The following ERGIC1 variants were observed in gnomAD, a reference collection of about 807,000 sequenced individuals.
ERGIC1 encodes the protein endoplasmic reticulum-golgi intermediate compartment 1, also known as endoplasmic reticulum-Golgi intermediate compartment protein 1.
ERGIC1 carries 19 observed loss-of-function variants against 38.3 expected under a neutral mutation model. That is an observed-to-expected ratio of 0.50 (90% CI 0.35 to 0.73). The LOEUF (loss-of-function observed/expected upper bound fraction) is 0.73. Ranked by LOEUF, ERGIC1 falls within the 30% of genes least tolerant of loss-of-function variation. The pLI, the probability that ERGIC1 is intolerant of heterozygous loss-of-function variation, is 0.01. For synonymous variants in ERGIC1, 124 were observed against 157.6 expected, an observed-to-expected ratio of 0.79 and a Z score of 1.60; for missense variants, 294 against 389.2, an observed-to-expected ratio of 0.76 and a Z score of 2.06.
intron 9 of ERGIC1, among the ~76,000 whole-genome samples, chr5:172,945,931 A>G (rs1764111882): frequency 6.6e-6 from 1 of 152,198 alleles, no homozygotes; most frequent in Non-Finnish European, 1.5e-5. Context: ...TGATCCTCCT[A>G]CCTTGGCCTC....
rs1488206298 is a variant in ERGIC1, at chr5:172,834,334, A to G, written c.-80A>G. The G allele has an allele frequency of 8.5e-7, 1 of 1,181,518 alleles. No individual in the cohort carries two copies. Among genetic ancestry groups the G allele is most frequent in the Non-Finnish European group, 1.0e-6 (1 of 954,070 alleles). The allele number at this position is 1,181,518 out of a possible 1,614,324, so 73.2% of individuals were successfully genotyped here. Reference sequence around the variant, plus strand: ...CCGGCGGGGGCGGGGCGGCCGGAGGAGGCGTTGGCAGCGGGCTCGGACCCA... The same window carrying G: ...CCGGCGGGGGCGGGGCGGCCGGAGGGGGCGTTGGCAGCGGGCTCGGACCCA... On this transcript the variant is annotated 5_prime_UTR_variant, in exon 1 of 10. Coordinates refer to ENST00000393784, the MANE Select transcript of ERGIC1 (RefSeq NM_001031711.3). This position sits in a 1 kb window ranked among gnomAD's most constrained non-coding sequence, Gnocchi z 4.1.
chr5:172,844,875 CTT>C (rs1241983185), intron 1 of ERGIC1, among the ~76,000 whole-genome samples: 1 of 152,216 alleles, frequency 6.6e-6, no homozygotes, highest in Non-Finnish European at 1.5e-5. Context: ...CCCGGGGTGT[CTT>C]TCAGGTGACT....
chr5:172,874,011 G>A (rs1762082287), intron 1 of ERGIC1, among the ~76,000 whole-genome samples: 1 of 152,210 alleles, frequency 6.6e-6, no homozygotes, highest in Non-Finnish European at 1.5e-5. Context: ...TTTCAGCAAA[G>A]CAGATTCCTG....
intron 1 of ERGIC1, among the ~76,000 whole-genome samples, chr5:172,866,263 G>A (rs1418486077): frequency 6.6e-6 from 1 of 152,204 alleles, no homozygotes; most frequent in African/African-American, 2.4e-5. Flanking sequence ...GGAGAGAAGC[G>A]GAGGGAGGTG....
Position 172,840,483 on chromosome 5 carries a change from CT to C in ERGIC1, c.20+6051del, listed in dbSNP as rs199642665. 7.2e-5 allele frequency among the ~76,000 whole-genome samples: 11 copies of C among 152,188 alleles called. No individual in the cohort carries two copies. In the East Asian group the frequency reaches 2.1e-3, roughly 29 times the overall value. ...CTCAACCCTGGCTGTATATTAAAGT[CT>C]CTCATGTGATTCTAATGCACAGCCA... On this transcript the variant is annotated intron_variant, in intron 1 of 9. Transcript: ENST00000393784.
chr5:172,905,517 G>C (rs961944168), intron 3 of ERGIC1: 1 of 450,748 alleles, frequency 2.2e-6, no homozygotes, highest in Non-Finnish European at 4.5e-6. Flanking sequence ...TCACGGAAGA[G>C]AACTGTGGAA....
rs1364838147 is a variant in ERGIC1 at position 172,837,729 on chromosome 5, G to A, written c.20+3296G>A. Among the ~76,000 whole-genome samples, 1 of 152,228 alleles carries A rather than the reference G, an allele frequency of 6.6e-6. No homozygotes were observed. The highest frequency in any genetic ancestry group is 2.4e-5 in the African/African-American group (1 of 41,456). On this transcript the variant is annotated intron_variant, in intron 1 of 9. Coordinates refer to ENST00000393784, the MANE Select transcript of ERGIC1 (RefSeq NM_001031711.3). The surrounding 1 kb of genome is among the most constrained non-coding windows in gnomAD (Gnocchi z 4.3). ...GGAAGGAGGCAGAACGCAGGGGAGG[G>A]AGGCTGAGCTTTCAATGATTTATTG...
intron 8 of ERGIC1, 181 bp from the exon 9 acceptor site, chr5:172,935,007 C>T (rs542363953): frequency 3.8e-5 from 32 of 833,764 alleles, no homozygotes; most frequent in Non-Finnish European, 5.6e-5. Context: ...CAGCTGTGCA[C>T]GGCAGAGTTC....
chr5:172,939,238 T>C lies in ERGIC1; in HGVS notation c.765+3928T>C, dbSNP rs1763954885. On this transcript the variant is annotated intron_variant, in intron 9 of 9. Transcript: ENST00000393784. ...AGGAGCCCCCTGCTGGAGGGGCAGA[T>C]GAGTGAGCACAGGGAGCTGTGACCG... Among the ~76,000 whole-genome samples the C allele has an allele frequency of 1.3e-5, 2 of 152,122 alleles. 1 individual carries two copies. Among genetic ancestry groups the C allele is most frequent in the South Asian group, 4.1e-4 (2 of 4,830 alleles).
chr5:172,838,142 G>A (rs1761078365), intron 1 of ERGIC1, among the ~76,000 whole-genome samples: 1 of 152,202 alleles, frequency 6.6e-6, no homozygotes, highest in Non-Finnish European at 1.5e-5. Context: ...TGTAAACTTC[G>A]CTGCCTCACC....
At chr5:172,916,197 G>A (rs946519602) in intron 5 of ERGIC1, 1 of 152,354 alleles carries the variant, frequency 6.6e-6, no homozygotes, top group Non-Finnish European at 1.5e-5. Flanking sequence ...TGCTAAAGCA[G>A]AAGCTGCAAG....
At chr5:172,909,255 A>ATCT in intron 3 of ERGIC1, among the ~76,000 whole-genome samples, 1 of 142,268 alleles carries the variant, frequency 7.0e-6, no homozygotes, top group South Asian at 2.2e-4. Context: ...CTGCAACCTC[A>ATCT]GCCTCCTGGG....
intron 2 of ERGIC1, among the ~76,000 whole-genome samples, chr5:172,893,165 G>A (rs1736636200): frequency 6.6e-6 from 1 of 151,968 alleles, no homozygotes. Context: ...CGTTTTTTTT[G>A]AGACAGAATT....
intron 3 of ERGIC1, among the ~76,000 whole-genome samples, chr5:172,909,113 A>T (rs1323859705): frequency 1.3e-5 from 2 of 148,862 alleles, no homozygotes; most frequent in Non-Finnish European, 3.0e-5. Context: ...ATATGCTCTT[A>T]CCACCGTGCT....
chr5:172,882,885 A>G (rs952371290), intron 1 of ERGIC1, among the ~76,000 whole-genome samples: 7 of 152,172 alleles, frequency 4.6e-5, no homozygotes, highest in Non-Finnish European at 8.8e-5. Flanking sequence ...TACAAGGACC[A>G]GCCATATGTG....
intron 1 of ERGIC1, among the ~76,000 whole-genome samples, chr5:172,859,484 G>C (rs930519179): frequency 7.4e-6 from 1 of 135,524 alleles, no homozygotes; most frequent in African/African-American, 2.4e-5. Context: ...CAGACTGAAG[G>C]GTGGGAAAAA....
rs550242576 is a variant in ERGIC1 at position 172,914,363 on chromosome 5, A to G, written c.251-351A>G. 5.9e-5 allele frequency among the ~76,000 whole-genome samples: 9 copies of G among 152,212 alleles called. No individual in the cohort carries two copies. The South Asian group carries it at 1.9e-3, about 32-fold the overall frequency. ...TACATCTATGAACTATTTGATCCCCATAATCTTTCAAGGAGGGTTCAATTA... is the reference window on the plus strand; with the variant it reads ...TACATCTATGAACTATTTGATCCCCGTAATCTTTCAAGGAGGGTTCAATTA... On this transcript the variant is annotated intron_variant, in intron 4 of 9. Coordinates refer to ENST00000393784, the MANE Select transcript of ERGIC1 (RefSeq NM_001031711.3).
rs184928919 is a variant in ERGIC1, at chr5:172,884,921, C to G, written c.21-3778C>G. On this transcript the variant is annotated intron_variant, in intron 1 of 9. Coordinates refer to ENST00000393784, the MANE Select transcript of ERGIC1 (RefSeq NM_001031711.3). The stretch of plus-strand genomic sequence containing the variant: ...ATAATACCATGTTTTCACCTCCCTT[C>G]CCTGACAGTGAGGCACCTGGCCCCA... Among the ~76,000 whole-genome samples, 5 of 152,238 alleles carry G rather than the reference C, an allele frequency of 3.3e-5. 1 individual carries two copies. The highest frequency in any genetic ancestry group is 7.4e-5 in the Non-Finnish European group (5 of 68,012).
chr5:172,899,845 G>A (rs937187246), intron 3 of ERGIC1, among the ~76,000 whole-genome samples: 1 of 152,214 alleles, frequency 6.6e-6, no homozygotes, highest in Non-Finnish European at 1.5e-5. Context: ...TATTTTATGA[G>A]GATCAAACAA....
Sources: gnomAD v4.1 joint callset for allele counts (sites outside exome capture counted in the v4.1 genomes callset) on GRCh38, gnomAD v4.1.1 for gene constraint, Gnocchi (gnomAD v3.1) non-coding constraint, MANE v1.5 for transcripts, NCBI Gene and HGNC (gene_info 2026-07-23, HGNC 2026-07-21) for gene names.